Variants in TBX5 observed in about 807,000 individuals in gnomAD.
TBX5 encodes the protein T-box transcription factor TBX5.
TBX5 carries 8 observed loss-of-function variants against 51.1 expected under a neutral mutation model. The observed-to-expected ratio is 0.16, with a 90% CI of 0.09 to 0.28. The LOEUF (loss-of-function observed/expected upper bound fraction) is 0.28. TBX5 is among the 10% of genes least tolerant of loss of function. The pLI is 1.00. For missense variants in TBX5, 589 were observed against 671.7 expected (o/e 0.88, Z 1.36); for synonymous variants, 302 against 266.4 (o/e 1.13, Z -1.30).
intron 2 of TBX5, 100 bp downstream of exon 2, chr12:114,403,652 T>A (rs1311865885): frequency 2.6e-5 from 40 of 1,511,998 alleles, no homozygotes; most frequent in Middle Eastern, 1.8e-4. Context: ...GGGGTTTTTT[T>A]ATTTTGTTTT....
intron 7 of TBX5, among the ~76,000 whole-genome samples, chr12:114,376,780 A>G (rs1010985869): frequency 6.6e-6 from 1 of 152,058 alleles, no homozygotes; most frequent in Non-Finnish European, 1.5e-5. Context: ...ATTAAGTTGT[A>G]TAACCTAAGT....
chr12:114,366,245 G>C lies in TBX5; in HGVS notation c.902C>G (p.Ser301Cys), dbSNP rs973621936. The change falls in exon 8 of 9, where the codon TCC becomes TGC. Residue 301 changes from serine to cysteine, a missense_variant. Ser to Cys is a moderately radical substitution (Grantham distance 112). Coordinates refer to ENST00000405440, the MANE Select transcript of TBX5 (RefSeq NM_181486.4). ...GTTGGGTGGAGGCAGGAGGTCCTGGGAGGGGCCGGAAACACCATTCTCACA... is the reference window on the plus strand; with the variant it reads ...GTTGGGTGGAGGCAGGAGGTCCTGGCAGGGGCCGGAAACACCATTCTCACA... ...YQCENGVSGP[S>C]QDLLPPPNPY... 11 of 1,614,068 alleles carry C rather than the reference G, an allele frequency of 6.8e-6. No individual in the cohort carries two copies. The highest frequency in any genetic ancestry group is 3.3e-5 in the Admixed American group (2 of 60,006).
At chr12:114,361,739 G>A (rs1224674356) in intron 8 of TBX5, among the ~76,000 whole-genome samples, 1 of 152,156 alleles carries the variant, frequency 6.6e-6, no homozygotes, top group Non-Finnish European at 1.5e-5. Context: ...ATCACTTAAT[G>A]AGAATCCCAA....
rs57151200 is a variant in TBX5 at position 114,371,587 on chromosome 12, G to GTT, written c.756-5198_756-5197dup. The stretch of plus-strand genomic sequence containing the variant: ...GGCGCTGGCATGTTCAGATTTTTGT[G>GTT]TTTTTTTTTTTTTTTTTTTCCTGGT... On this transcript the variant is annotated intron_variant, in intron 7 of 8. Coordinates refer to ENST00000405440, the MANE Select transcript of TBX5 (RefSeq NM_181486.4). Among the ~76,000 whole-genome samples, 87 of 121,684 alleles carry GTT rather than the reference G, an allele frequency of 7.1e-4. No individual in the cohort carries two copies. The East Asian group carries it at 9.1e-3, about 13-fold the overall frequency. 79.8% of individuals were successfully genotyped at this position (121,684 alleles called of 152,430 possible). A position where few individuals can be genotyped will look rare whatever the true frequency, so the allele number is the denominator to read the frequency against.
chr12:114,402,665 C>T (rs1448939619), intron 2 of TBX5, among the ~76,000 whole-genome samples: 1 of 152,124 alleles, frequency 6.6e-6, no homozygotes, highest in Non-Finnish European at 1.5e-5. Flanking sequence ...AACATTTTGG[C>T]TTTCAGCTAA....
upstream of TBX5, chr12:114,407,942 C>A: frequency 1.0e-6 from 1 of 985,422 alleles, no homozygotes; most frequent in Non-Finnish European, 1.2e-6. Flanking sequence ...CTTCTTCCAA[C>A]GTCTGTCAAG....
chr12:114,390,784 T>C (rs558399394), intron 6 of TBX5, among the ~76,000 whole-genome samples: 2 of 152,298 alleles, frequency 1.3e-5, no homozygotes, highest in Non-Finnish European at 2.9e-5. Context: ...CCACGTGACC[T>C]TTTTTTAACA....
At chr12:114,394,971 C>A in intron 5 of TBX5, 78 bp from the exon 6 acceptor site, 2 of 1,481,518 alleles carry the variant, frequency 1.3e-6, no homozygotes, top group South Asian at 2.3e-5. Context: ...GCTCCCCGCC[C>A]TCTAAATTCG....
intron 3 of TBX5, among the ~76,000 whole-genome samples, chr12:114,400,733 C>G (rs1377807061): frequency 1.3e-5 from 2 of 152,244 alleles, no homozygotes; most frequent in Non-Finnish European, 1.5e-5. Flanking sequence ...GTCTTTCCTT[C>G]CTGGGGGAAT....
At chr12:114,400,528 G>T (rs994781535) in intron 3 of TBX5, among the ~76,000 whole-genome samples, 5 of 152,236 alleles carry the variant, frequency 3.3e-5, no homozygotes, top group African/African-American at 1.2e-4. Context: ...AGACAAGTTG[G>T]CAGATCTCGG....
intron 8 of TBX5, among the ~76,000 whole-genome samples, chr12:114,360,166 A>G (rs993686748): frequency 5.9e-5 from 9 of 152,192 alleles, no homozygotes; most frequent in Non-Finnish European, 1.2e-4. Context: ...CAGAGTAGTA[A>G]TCTTTCTAGC....
intron 7 of TBX5, among the ~76,000 whole-genome samples, chr12:114,381,423 C>T (rs1870499012): frequency 6.6e-6 from 1 of 152,132 alleles, no homozygotes; most frequent in Non-Finnish European, 1.5e-5. Flanking sequence ...CCATATTCCC[C>T]ACTTGTCACT....
At chr12:114,373,380 A>G (rs369922956) in intron 7 of TBX5, among the ~76,000 whole-genome samples, 114 of 152,300 alleles carry the variant, frequency 7.5e-4, no homozygotes, top group African/African-American at 2.5e-3. Flanking sequence ...GCTAGATGTA[A>G]AACTACAGAC....
At chr12:114,384,273 GTT>G (rs11348332) in intron 7 of TBX5, among the ~76,000 whole-genome samples, 209 of 147,788 alleles carry the variant, frequency 1.4e-3, no homozygotes, top group African/African-American at 3.9e-3. Context: ...TCATTCTCTT[GTT>G]TTTTTTTTTT....
chr12:114,401,221 G>A (rs1871791733), intron 3 of TBX5, among the ~76,000 whole-genome samples: 1 of 152,224 alleles, frequency 6.6e-6, no homozygotes, highest in Non-Finnish European at 1.5e-5. Context: ...TGGCGAAGCT[G>A]CCGTGTTTAT....
intron 7 of TBX5, among the ~76,000 whole-genome samples, chr12:114,377,493 C>G (rs1870256988): frequency 6.6e-6 from 1 of 152,012 alleles, no homozygotes; most frequent in Non-Finnish European, 1.5e-5. Context: ...TGGGCTCAAG[C>G]AATCCTCCTG....
intron 7 of TBX5, among the ~76,000 whole-genome samples, chr12:114,372,850 C>T (rs965524159): frequency 6.6e-6 from 1 of 151,996 alleles, no homozygotes; most frequent in Non-Finnish European, 1.5e-5. Flanking sequence ...TAGACCACTC[C>T]ATTGCTGGCT....
Position 114,398,600 on chromosome 12 carries a change from G to C in TBX5, c.483C>G (p.Thr161=), listed in dbSNP as rs756481812. The C allele has an allele frequency of 6.2e-7, 1 of 1,613,574 alleles. No individual in the cohort carries two copies. The highest frequency in any genetic ancestry group is 8.5e-7 in the Non-Finnish European group (1 of 1,179,856). ...QLVSFQKLKL[T]NNHLDPFGHI... ...GCCCAAATGGGTCCAGGTGGTTGTTGGTGAGCTTGAGTTTCTGGAAGGAGA... is the reference window on the plus strand; with the variant it reads ...GCCCAAATGGGTCCAGGTGGTTGTTCGTGAGCTTGAGTTTCTGGAAGGAGA... The change falls in exon 5 of 9, where the codon ACC becomes ACG. Residue 161 remains threonine (T), a synonymous_variant. Coordinates refer to ENST00000405440, the MANE Select transcript of TBX5 (RefSeq NM_181486.4).
intron 6 of TBX5, among the ~76,000 whole-genome samples, chr12:114,389,792 G>A (rs551599202): frequency 9.3e-6 from 1 of 107,242 alleles, no homozygotes; most frequent in African/African-American, 3.6e-5. Context: ...AAAAAAAAGT[G>A]GATGAAGGAC....
Sources: gnomAD v4.1 joint callset for allele counts (sites outside exome capture counted in the v4.1 genomes callset) on GRCh38, gnomAD v4.1.1 for gene constraint, MANE v1.5 for transcripts, NCBI Gene and HGNC (gene_info 2026-07-23, HGNC 2026-07-21) for gene names.